The following EGLN1 variants were observed in gnomAD, a reference collection of about 807,000 sequenced individuals.
The protein encoded by EGLN1 is egl nine homolog 1.
Under a neutral mutation model 38.3 loss-of-function variants are expected in EGLN1, and 17 were observed. The observed-to-expected ratio is 0.44, with a 90% CI of 0.30 to 0.67. The LOEUF is 0.67. EGLN1 is among the 30% of genes least tolerant of loss of function. The pLI is 0.08. For synonymous variants in EGLN1, 283 were observed against 257.5 expected, an observed-to-expected ratio of 1.10 and a Z score of -0.95; for missense variants, 477 against 603.3, an observed-to-expected ratio of 0.79 and a Z score of 2.19.
At chr1:231,396,442 C>CG (rs1203368992) in intron 1 of EGLN1, among the ~76,000 whole-genome samples, 1 of 151,952 alleles carries the variant, frequency 6.6e-6, no homozygotes, top group African/African-American at 2.4e-5. Context: ...TTAGTAGAGA[C>CG]GGGGTTTCAC....
Position 231,373,988 on chromosome 1 carries a change from C to T in EGLN1, c.1003G>A (p.Asp335Asn). ...TCIYYLNKDW[D>N]AKVSGGILRI... Reference sequence around the variant, plus strand: ...TCAATTAAGTTGCATACCTTGGCATCCCAGTCTTTATTAAGATAATATATA... The same window carrying T: ...TCAATTAAGTTGCATACCTTGGCATTCCAGTCTTTATTAAGATAATATATA... The change falls in exon 2 of 5, where the codon GAT (aspartate) becomes AAT (asparagine). Residue 335 changes from aspartate (D) to asparagine (N), a missense_variant. Asp to Asn is a conservative substitution (Grantham distance 23). Coordinates refer to ENST00000366641, the MANE Select transcript of EGLN1 (RefSeq NM_022051.3). The T allele has an allele frequency of 6.2e-7, 1 of 1,613,756 alleles. No homozygotes were observed. The highest frequency in any genetic ancestry group is 8.5e-7 in the Non-Finnish European group (1 of 1,179,810).
At chr1:231,383,057 CAAAAAAAAAAAA>C (rs547747077) in intron 1 of EGLN1, among the ~76,000 whole-genome samples, 77 of 70,556 alleles carry the variant, frequency 1.1e-3, no homozygotes, top group Non-Finnish European at 1.5e-3. Flanking sequence ...AACTCTGTCT[CAAAAAAAAAAAA>C]AAAAAAAAAA....
intron 1 of EGLN1, among the ~76,000 whole-genome samples, chr1:231,380,165 G>A (rs1316580794): frequency 6.6e-6 from 1 of 152,140 alleles, no homozygotes; most frequent in African/African-American, 2.4e-5. Flanking sequence ...AGGGAGTACA[G>A]AGAGAAGAGA....
At chr1:231,375,259 T>G (rs1687931371) in intron 1 of EGLN1, among the ~76,000 whole-genome samples, 1 of 147,556 alleles carries the variant, frequency 6.8e-6, no homozygotes, top group African/African-American at 2.5e-5. Flanking sequence ...TTTCACCATG[T>G]TGGCCAAGCT....
intron 1 of EGLN1, among the ~76,000 whole-genome samples, chr1:231,385,967 G>A (rs1183142759): frequency 1.3e-5 from 2 of 152,098 alleles, no homozygotes; most frequent in Non-Finnish European, 2.9e-5. Flanking sequence ...AGCCTCCTGA[G>A]TAGACTAGCT....
intron 1 of EGLN1, among the ~76,000 whole-genome samples, chr1:231,403,716 T>G (rs747613874): frequency 7.0e-6 from 1 of 141,932 alleles, no homozygotes; most frequent in Non-Finnish European, 1.5e-5. Flanking sequence ...GAGGTGGAGG[T>G]TGCAGTGAGC....
chr1:231,391,090 T>TGTGTG lies in EGLN1; in HGVS notation c.892-16992_892-16991insCACAC, dbSNP rs1553353081. On this transcript the variant is annotated intron_variant, in intron 1 of 4. Coordinates refer to ENST00000366641, the MANE Select transcript of EGLN1 (RefSeq NM_022051.3). ...AGACAGGGAACTCATTCTGTTTTTT[T>TGTGTG]TTTGTGTGTGTGTGTGTGTGTGTGT... is the stretch of plus-strand genomic sequence containing the variant. Among the ~76,000 whole-genome samples, 116 of 53,120 alleles carry TGTGTG rather than the reference T, an allele frequency of 2.2e-3. 19 individuals carry two copies. The highest frequency in any genetic ancestry group is 0.014 in the East Asian group (29 of 2,102). The allele number at this position is 53,120 out of a possible 152,430, so 34.8% of individuals were successfully genotyped here.
At position 231,364,846 on chromosome 1, in the gene EGLN1, C is replaced by T. The variant is rs1687598586; in HGVS notation, c.*1565G>A. On this transcript the variant is annotated 3_prime_UTR_variant, in exon 5 of 5. Coordinates refer to ENST00000366641, the MANE Select transcript of EGLN1 (RefSeq NM_022051.3). ...AATTCACGCAAAATATGGATACCAC[C>T]CTTTAGGTTTTGCTAAAAAGCCTAG... 6.6e-6 allele frequency: 1 copy of T among 152,250 alleles called. No individual in the cohort carries two copies. The highest frequency in any genetic ancestry group is 1.9e-4 in the East Asian group (1 of 5,174). 9.4% of individuals were successfully genotyped at this position (152,250 alleles called of 1,614,324 possible). A position where few individuals can be genotyped will look rare whatever the true frequency, so the allele number is the denominator to read the frequency against.
intron 1 of EGLN1, among the ~76,000 whole-genome samples, chr1:231,387,493 G>A (rs1033024410): frequency 8.6e-5 from 13 of 151,636 alleles, no homozygotes; most frequent in African/African-American, 2.9e-4. Context: ...CCGAGTAGCT[G>A]GGACTACAGG....
rs932358295 is a variant in EGLN1, at chr1:231,364,377, T to C, written c.*2034A>G. 5 of 152,312 alleles carry C rather than the reference T, an allele frequency of 3.3e-5. No homozygotes were observed. In the South Asian group the frequency reaches 1.0e-3, roughly 32 times the overall value. The allele number at this position is 152,312 out of a possible 1,614,324, so 9.4% of individuals were successfully genotyped here. A position where few individuals can be genotyped will look rare whatever the true frequency, so the allele number is the denominator to read the frequency against. ...TGTGGCCTAACGCCGCGCACTGTACTATAGACCAGATGGCAAAGACAACTT... is the reference window on the plus strand; with the variant it reads ...TGTGGCCTAACGCCGCGCACTGTACCATAGACCAGATGGCAAAGACAACTT... On this transcript the variant is annotated 3_prime_UTR_variant, in exon 5 of 5. Coordinates refer to ENST00000366641, the MANE Select transcript of EGLN1 (RefSeq NM_022051.3).
At chr1:231,401,148 T>A (rs1027168684) in intron 1 of EGLN1, among the ~76,000 whole-genome samples, 1 of 152,164 alleles carries the variant, frequency 6.6e-6, no homozygotes, top group Non-Finnish European at 1.5e-5. Flanking sequence ...AAAAGATGCA[T>A]AGAAACTTAA....
intron 1 of EGLN1, among the ~76,000 whole-genome samples, chr1:231,405,976 C>A (rs1688780198): frequency 1.1e-5 from 1 of 92,112 alleles, no homozygotes; most frequent in Non-Finnish European, 2.1e-5. Context: ...AAGCACCCCC[C>A]ACCCCCCACC....
Position 231,406,540 on chromosome 1 carries a change from T to C in EGLN1, c.891+14458A>G, listed in dbSNP as rs117611629. 7.4e-3 allele frequency among the ~76,000 whole-genome samples: 1,128 copies of C among 152,180 alleles called. 7 individuals carry two copies. Among genetic ancestry groups the C allele is most frequent in the South Asian group, 0.011 (53 of 4,820 alleles). The stretch of plus-strand genomic sequence containing the variant: ...CTTCCAGAAGTCCATAGGATATACA[T>C]ACCATTATTTATGGGGGAAAAGAAA... On this transcript the variant is annotated intron_variant, in intron 1 of 4. Transcript: ENST00000366641.
intron 3 of EGLN1, chr1:231,369,666 A>G (rs2102893373): frequency 1.1e-6 from 1 of 884,788 alleles, no homozygotes; most frequent in East Asian, 1.2e-4. Flanking sequence ...GCTGATAATC[A>G]AGTCGTTAGA....
chr1:231,388,621 A>G (rs1236690338), intron 1 of EGLN1, among the ~76,000 whole-genome samples: 1 of 150,442 alleles, frequency 6.6e-6, no homozygotes, highest in Non-Finnish European at 1.5e-5. Flanking sequence ...ACAGGCATGC[A>G]CCACCATGCC....
At chr1:231,391,099 T>TGC (rs1688367390) in intron 1 of EGLN1, among the ~76,000 whole-genome samples, 1 of 140,320 alleles carries the variant, frequency 7.1e-6, no homozygotes, top group South Asian at 2.3e-4. Flanking sequence ...TTTTTGTGTG[T>TGC]GTGTGTGTGT....
In EGLN1 at chr1:231,421,613, C is replaced by G. The variant is rs992728216; in HGVS notation, c.276G>C (p.Glu92Asp). 26 of 1,349,984 alleles carry G rather than the reference C, an allele frequency of 1.9e-5. No homozygotes were observed. The African/African-American group carries it at 4.0e-4, about 21-fold the overall frequency. The allele number at this position is 1,349,984 out of a possible 1,614,324, so 83.6% of individuals were successfully genotyped here. The change falls in exon 1 of 5, where the codon GAG becomes GAC. Residue 92 changes from glutamate (E) to aspartate (D), a missense_variant. Physicochemically the swap from Glu to Asp is conservative, Grantham distance 45 (BLOSUM62 2). Around this residue, in one of 4 missense-constraint regions of EGLN1, gnomAD observed 298 missense variants for 288.9 expected, o/e 1.03. Transcript: ENST00000366641. This position sits in a 1 kb window ranked among gnomAD's most constrained non-coding sequence, Gnocchi z 5.5. The part of the protein sequence containing the change: ...AVPPPRAGAR[E>D]PRKAAARRDN... The stretch of plus-strand genomic sequence containing the variant: ...CCCGGCGCGCCGCTGCCTTCCTGGG[C>G]TCCCGGGCCCCGGCCCTGGGCGGCG...
intron 1 of EGLN1, among the ~76,000 whole-genome samples, chr1:231,416,472 T>C (rs1452983731): frequency 6.6e-6 from 1 of 150,974 alleles, no homozygotes. Flanking sequence ...TTTTGTTCTA[T>C]CACCTGGGCT....
intron 1 of EGLN1, among the ~76,000 whole-genome samples, chr1:231,398,830 T>C (rs536494114): frequency 5.9e-5 from 9 of 152,262 alleles, no homozygotes; most frequent in African/African-American, 1.7e-4. Flanking sequence ...ATTTGAGCCT[T>C]GGTGTGAGAA....
Sources: gnomAD v4.1 joint callset for allele counts (sites outside exome capture counted in the v4.1 genomes callset) on GRCh38, gnomAD v4.1.1 for gene constraint, gnomAD v4.1.1 regional missense constraint, Gnocchi (gnomAD v3.1) non-coding constraint, MANE v1.5 for transcripts, NCBI Gene and HGNC (gene_info 2026-07-23, HGNC 2026-07-21) for gene names.